The following PCSK2 variants were observed in gnomAD, a reference collection of about 807,000 sequenced individuals.
PCSK2 encodes the protein proprotein convertase subtilisin/kexin type 2.
In PCSK2, 14 loss-of-function variants were observed where a neutral mutation model predicts 69.7. The ratio of observed to expected loss-of-function variants is 0.20; its 90% CI spans 0.13 to 0.31. The LOEUF (loss-of-function observed/expected upper bound fraction) is 0.31. Ranked by LOEUF, PCSK2 falls within the 10% of genes least tolerant of loss-of-function variation. The probability of loss-of-function intolerance (pLI) is 1.00; values close to 1 mark genes in which losing one functional copy is unlikely to be tolerated. For synonymous variants in PCSK2, 307 were observed against 320.7 expected, an observed-to-expected ratio of 0.96 and a Z score of 0.46; for missense variants, 544 against 842.5, an observed-to-expected ratio of 0.65 and a Z score of 4.39.
chr20:17,249,561 G>A (rs1986896785), intron 1 of PCSK2, among the ~76,000 whole-genome samples: 1 of 151,758 alleles, frequency 6.6e-6, no homozygotes, highest in African/African-American at 2.4e-5. Flanking sequence ...TATGTTCATG[G>A]CAGCATTATT....
intron 5 of PCSK2, among the ~76,000 whole-genome samples, chr20:17,393,343 A>AATAAATTT (rs2031431819): frequency 6.6e-6 from 1 of 152,228 alleles, no homozygotes; most frequent in Admixed American, 6.5e-5. Context: ...AACTGAATGA[A>AATAAATTT]ATAAATTTAA....
chr20:17,340,955 T>C (rs1340393573), intron 2 of PCSK2, among the ~76,000 whole-genome samples: 1 of 152,138 alleles, frequency 6.6e-6, no homozygotes, highest in Non-Finnish European at 1.5e-5. Context: ...AAATTCCCAA[T>C]GTTTAAAGGA....
chr20:17,430,688 T>G (rs1425521589), intron 7 of PCSK2, among the ~76,000 whole-genome samples: 1 of 152,192 alleles, frequency 6.6e-6, no homozygotes, highest in Non-Finnish European at 1.5e-5. Flanking sequence ...TCAGGAGCCA[T>G]TATGAGCTCA....
intron 2 of PCSK2, among the ~76,000 whole-genome samples, chr20:17,343,517 C>T (rs530614996): frequency 1.3e-5 from 2 of 152,348 alleles, no homozygotes; most frequent in South Asian, 4.1e-4. Context: ...TCTCTCTCTG[C>T]ATGCGGGAGG....
intron 1 of PCSK2, among the ~76,000 whole-genome samples, chr20:17,233,703 T>G (rs1009123586): frequency 6.6e-6 from 1 of 152,188 alleles, no homozygotes; most frequent in Non-Finnish European, 1.5e-5. Context: ...AACCCCAGTT[T>G]CCAGCAAAAG....
intron 2 of PCSK2, among the ~76,000 whole-genome samples, chr20:17,281,840 C>T (rs1396872278): frequency 6.6e-6 from 1 of 152,220 alleles, no homozygotes; most frequent in African/African-American, 2.4e-5. Context: ...ACCTGATTCT[C>T]ATGCTTACTG....
chr20:17,352,782 G>C (rs2030037406), intron 2 of PCSK2, among the ~76,000 whole-genome samples: 1 of 152,136 alleles, frequency 6.6e-6, no homozygotes, highest in Non-Finnish European at 1.5e-5. Flanking sequence ...TCCAGACATA[G>C]GTCTTGGTAA....
intron 1 of PCSK2, among the ~76,000 whole-genome samples, chr20:17,250,837 C>T (rs1009668481): frequency 2.0e-5 from 3 of 152,166 alleles, no homozygotes; most frequent in African/African-American, 4.8e-5. Flanking sequence ...CAGTGGCTCA[C>T]ACCTGTAATC....
At position 17,258,135 on chromosome 20, in the gene PCSK2, T is replaced by A. The variant is rs760710097; in HGVS notation, c.178-2105T>A. The stretch of plus-strand genomic sequence containing the variant: ...GCTTTTTAAATAACTCTAAACCCAG[T>A]CTGCACCCTCTACTATGTATTTGGC... On this transcript the variant is annotated intron_variant, in intron 1 of 11. Coordinates refer to ENST00000262545, the MANE Select transcript of PCSK2 (RefSeq NM_002594.5). 5.9e-5 allele frequency among the ~76,000 whole-genome samples: 9 copies of A among 152,298 alleles called. No individual in the cohort carries two copies. In the East Asian group the frequency reaches 1.5e-3, roughly 26 times the overall value.
At chr20:17,360,989 T>C (rs755901335) in intron 4 of PCSK2, among the ~76,000 whole-genome samples, 3 of 152,296 alleles carry the variant, frequency 2.0e-5, no homozygotes, top group Admixed American at 6.5e-5. Context: ...ACTCACACTA[T>C]CCAATGTAGT....
intron 2 of PCSK2, among the ~76,000 whole-genome samples, chr20:17,267,754 C>T (rs2123016071): frequency 6.6e-6 from 1 of 152,186 alleles, no homozygotes; most frequent in Non-Finnish European, 1.5e-5. Flanking sequence ...AGGCATCATG[C>T]TAGCAAAGCC....
chr20:17,432,514 T>C (rs2032388590), intron 7 of PCSK2, among the ~76,000 whole-genome samples: 1 of 152,236 alleles, frequency 6.6e-6, no homozygotes, highest in Non-Finnish European at 1.5e-5. Flanking sequence ...ATTTTGAAAA[T>C]GCCTTTATTC....
intron 4 of PCSK2, among the ~76,000 whole-genome samples, chr20:17,368,353 C>A (rs764653764): frequency 6.6e-6 from 1 of 152,142 alleles, no homozygotes; most frequent in African/African-American, 2.4e-5. Flanking sequence ...AGAGTCCAAG[C>A]AACTTGCCTG....
At chr20:17,303,432 TATATAATATA>T (rs1177887287) in intron 2 of PCSK2, among the ~76,000 whole-genome samples, 4 of 89,474 alleles carry the variant, frequency 4.5e-5, no homozygotes, top group African/African-American at 1.8e-4. Flanking sequence ...ATATTTTTAA[TATATAATATA>T]ATATATATTA....
chr20:17,271,988 A>G (rs896700936), intron 2 of PCSK2, among the ~76,000 whole-genome samples: 21 of 152,238 alleles, frequency 1.4e-4, no homozygotes, highest in African/African-American at 4.8e-4. Context: ...TTCTTCCTTA[A>G]GGGAATTCCA....
At chr20:17,359,797 T>A (rs559784162) in intron 3 of PCSK2, among the ~76,000 whole-genome samples, 13 of 146,946 alleles carry the variant, frequency 8.8e-5, no homozygotes, top group Non-Finnish European at 1.5e-4. Flanking sequence ...CTGACTTCAT[T>A]ATTTTTTTTA....
At chr20:17,307,130 T>C (rs1163478413) in intron 2 of PCSK2, among the ~76,000 whole-genome samples, 1 of 152,158 alleles carries the variant, frequency 6.6e-6, no homozygotes, top group East Asian at 1.9e-4. Context: ...TTTCACAGGC[T>C]TTATCTTCTT....
At chr20:17,359,939 C>A (rs2030333849) in intron 3 of PCSK2, among the ~76,000 whole-genome samples, 1 of 152,078 alleles carries the variant, frequency 6.6e-6, no homozygotes, top group Non-Finnish European at 1.5e-5. Flanking sequence ...GGATGAGGGG[C>A]CTTAGGATTT....
intron 10 of PCSK2, among the ~76,000 whole-genome samples, chr20:17,459,386 G>T (rs1206231951): frequency 6.6e-6 from 1 of 152,124 alleles, no homozygotes; most frequent in African/African-American, 2.4e-5. Flanking sequence ...GAACATTCTT[G>T]TACATGCCTT....
Sources: gnomAD v4.1 joint callset for allele counts (sites outside exome capture counted in the v4.1 genomes callset) on GRCh38, gnomAD v4.1.1 for gene constraint, MANE v1.5 for transcripts, NCBI Gene and HGNC (gene_info 2026-07-23, HGNC 2026-07-21) for gene names.